The following GFOD1 variants were observed in gnomAD, a reference collection of about 807,000 sequenced individuals.
GFOD1 encodes the protein Gfo/Idh/MocA-like oxidoreductase domain containing 1.
Under a neutral mutation model 25.4 loss-of-function variants are expected in GFOD1, and 9 were observed. The ratio of observed to expected loss-of-function variants is 0.35; its 90% confidence interval spans 0.21 to 0.62. The LOEUF (loss-of-function observed/expected upper bound fraction) is 0.62. Ranked by LOEUF, GFOD1 falls within the 20% of genes least tolerant of loss-of-function variation. The pLI is 0.72. For missense variants in GFOD1, 403 were observed against 556.9 expected, an observed-to-expected ratio of 0.72 and a Z score of 2.78; for synonymous variants, 253 against 245.6, an observed-to-expected ratio of 1.03 and a Z score of -0.28.
intron 1 of GFOD1, among the ~76,000 whole-genome samples, chr6:13,380,495 T>A (rs1785342431): frequency 6.6e-6 from 1 of 152,124 alleles, no homozygotes; most frequent in African/African-American, 2.4e-5. Context: ...AATATCATGA[T>A]GGGGTGCTGG....
At position 13,487,080 on chromosome 6, in the gene GFOD1, C is replaced by T; in HGVS notation, c.-190G>A. 1.6e-6 allele frequency: 1 copy of T among 633,484 alleles called. No individual in the cohort carries two copies. Among genetic ancestry groups the T allele is most frequent in the Non-Finnish European group, 2.7e-6 (1 of 375,904 alleles). 39.2% of individuals were successfully genotyped at this position (633,484 alleles called of 1,614,324 possible). ...AGCTGCAGGCGGAGCAAGCTCGGGG[C>T]GCCTCAGAACGGTGACTGCGGCAGT... On this transcript the variant is annotated 5_prime_UTR_variant, in exon 1 of 2. Coordinates refer to ENST00000379287, the MANE Select transcript of GFOD1 (RefSeq NM_018988.4). The surrounding 1 kb of genome is among the most constrained non-coding windows in gnomAD (Gnocchi z 4.9).
chr6:13,464,775 A>G (rs1758350743), intron 1 of GFOD1, among the ~76,000 whole-genome samples: 1 of 152,108 alleles, frequency 6.6e-6, no homozygotes, highest in African/African-American at 2.4e-5. Flanking sequence ...TTGGACTTGA[A>G]CTGCAACATT....
chr6:13,383,022 G>A (rs1181825970), intron 1 of GFOD1, among the ~76,000 whole-genome samples: 1 of 152,192 alleles, frequency 6.6e-6, no homozygotes. Context: ...TGGCTACATA[G>A]TATTCGAAGG....
intron 1 of GFOD1, among the ~76,000 whole-genome samples, chr6:13,383,233 G>T (rs563469570): frequency 1.2e-4 from 18 of 152,314 alleles, no homozygotes; most frequent in Admixed American, 9.8e-4. Context: ...CACCCAGGTT[G>T]CCATCAAATC....
Position 13,426,851 on chromosome 6 carries a change from T to C in GFOD1, c.253+59787A>G, listed in dbSNP as rs755939407. 3.9e-5 allele frequency among the ~76,000 whole-genome samples: 6 copies of C among 152,166 alleles called. No individual in the cohort carries two copies. The South Asian group carries it at 1.2e-3, about 31-fold the overall frequency. On this transcript the variant is annotated intron_variant, in intron 1 of 1. Coordinates refer to ENST00000379287, the MANE Select transcript of GFOD1 (RefSeq NM_018988.4). ...CTCTTGTTCTGGCAACGGCTGTCAGTGTCTGTTGGTGGAAGAACATGCCCC... is the reference window on the plus strand; with the variant it reads ...CTCTTGTTCTGGCAACGGCTGTCAGCGTCTGTTGGTGGAAGAACATGCCCC...
intron 1 of GFOD1, among the ~76,000 whole-genome samples, chr6:13,477,104 C>T (rs1427583455): frequency 2.0e-5 from 3 of 152,166 alleles, no homozygotes; most frequent in Non-Finnish European, 4.4e-5. Flanking sequence ...AGCAGTTTCT[C>T]CACCGACGCG....
Position 13,363,586 on chromosome 6 carries a change from T to TAA in GFOD1, c.*1155_*1156dup. The TAA allele has an allele frequency of 1.4e-5, 1 of 69,992 alleles. No individual in the cohort carries two copies. Among genetic ancestry groups the TAA allele is most frequent in the Non-Finnish European group, 2.9e-5 (1 of 34,892 alleles). The allele number at this position is 69,992 out of a possible 1,614,324, so 4.3% of individuals were successfully genotyped here. ...TTTTTTTTTTTTTTTTTTTTTTTTG[T>TAA]AAGGAAAGAGGATTCTGATTGGAAC... On this transcript the variant is annotated 3_prime_UTR_variant, in exon 2 of 2. Coordinates refer to ENST00000379287, the MANE Select transcript of GFOD1 (RefSeq NM_018988.4).
At chr6:13,427,368 G>A (rs186112570) in intron 1 of GFOD1, among the ~76,000 whole-genome samples, 2 of 152,260 alleles carry the variant, frequency 1.3e-5, no homozygotes, top group Admixed American at 1.3e-4. Flanking sequence ...TGATAAAAAA[G>A]GACTTTGTTG....
rs566138875 is a variant in GFOD1 at position 13,362,652 on chromosome 6, A to T, written c.*2091T>A. 6.6e-6 allele frequency: 1 copy of T among 152,306 alleles called. No homozygotes were observed. The highest frequency in any genetic ancestry group is 2.4e-5 in the African/African-American group (1 of 41,550). The allele number at this position is 152,306 out of a possible 1,614,324, so 9.4% of individuals were successfully genotyped here. On this transcript the variant is annotated 3_prime_UTR_variant, in exon 2 of 2. Coordinates refer to ENST00000379287, the MANE Select transcript of GFOD1 (RefSeq NM_018988.4). ...AGGGACCACAACAAACCACGCATGG[A>T]ATTTCAGCTTACCCACCCTGCAGTG...
Position 13,435,012 on chromosome 6 carries a change from T to C in GFOD1, c.253+51626A>G, listed in dbSNP as rs115440317. On this transcript the variant is annotated intron_variant, in intron 1 of 1. Coordinates refer to ENST00000379287, the MANE Select transcript of GFOD1 (RefSeq NM_018988.4). The stretch of plus-strand genomic sequence containing the variant: ...CCAGGGCAACCGTAGACCTGCCCCT[T>C]TCTAGAGCTTTCTCTTTCTGAGCAC... 6.4e-3 allele frequency among the ~76,000 whole-genome samples: 979 copies of C among 152,300 alleles called. 10 individuals carry two copies. The highest frequency in any genetic ancestry group is 0.022 in the African/African-American group (935 of 41,560).
chr6:13,482,918 A>C (rs1017583239), intron 1 of GFOD1, among the ~76,000 whole-genome samples: 9 of 150,960 alleles, frequency 6.0e-5, no homozygotes, highest in African/African-American at 2.2e-4. Context: ...ATATACATCT[A>C]TATATTAGTG....
At chr6:13,426,253 C>G (rs1216360815) in intron 1 of GFOD1, among the ~76,000 whole-genome samples, 2 of 152,264 alleles carry the variant, frequency 1.3e-5, no homozygotes, top group African/African-American at 4.8e-5. Context: ...GAAGGCCACA[C>G]ACGCCCCCAG....
At chr6:13,422,358 A>C (rs1387593490) in intron 1 of GFOD1, among the ~76,000 whole-genome samples, 2 of 152,140 alleles carry the variant, frequency 1.3e-5, no homozygotes, top group African/African-American at 4.8e-5. Flanking sequence ...GCGTAGCTGG[A>C]GGGGGCTTGA....
chr6:13,391,580 TC>T lies in GFOD1; in HGVS notation c.254-25919del, dbSNP rs1376047502. 2.0e-5 allele frequency among the ~76,000 whole-genome samples: 3 copies of T among 147,674 alleles called. No individual in the cohort carries two copies. The East Asian group carries it at 6.0e-4, about 29-fold the overall frequency. On this transcript the variant is annotated intron_variant, in intron 1 of 1. Transcript: ENST00000379287. ...GAAAATAATGTACTATTTCGTAGAG[TC>T]CATATCAATTGAATAGGTAACAACT...
chr6:13,424,412 A>G (rs1293903592), intron 1 of GFOD1, among the ~76,000 whole-genome samples: 1 of 152,228 alleles, frequency 6.6e-6, no homozygotes, highest in Admixed American at 6.5e-5. Context: ...CTCTTTAAAC[A>G]GAGAAGCCAT....
intron 1 of GFOD1, among the ~76,000 whole-genome samples, chr6:13,468,363 C>A (rs946709489): frequency 6.6e-6 from 1 of 152,114 alleles, no homozygotes; most frequent in African/African-American, 2.4e-5. Flanking sequence ...TTATATTTAT[C>A]ATATTTACCT....
intron 1 of GFOD1, among the ~76,000 whole-genome samples, chr6:13,463,783 A>C (rs911429731): frequency 6.6e-6 from 1 of 152,236 alleles, no homozygotes; most frequent in Non-Finnish European, 1.5e-5. Flanking sequence ...ACACTGATAC[A>C]GTATATATAT....
rs1663845090 is a variant in GFOD1 at position 13,359,876 on chromosome 6, G to GGC, written c.*4865_*4866dup. The GGC allele has an allele frequency of 6.6e-6, 1 of 151,936 alleles. No individual in the cohort carries two copies. Among genetic ancestry groups the GGC allele is most frequent in the Non-Finnish European group, 1.5e-5 (1 of 68,170 alleles). 9.4% of individuals were successfully genotyped at this position (151,936 alleles called of 1,614,324 possible). ...GCAGGAGAATCGCTTGAACCCGGGA[G>GGC]GCGGTGTTGCAGTGAGCTGAGATCA... On this transcript the variant is annotated 3_prime_UTR_variant, in exon 2 of 2. Transcript: ENST00000379287.
At chr6:13,375,454 A>G (rs929645324) in intron 1 of GFOD1, among the ~76,000 whole-genome samples, 1 of 152,180 alleles carries the variant, frequency 6.6e-6, no homozygotes, top group Non-Finnish European at 1.5e-5. Context: ...CTGCTGGGTG[A>G]CATCTAAAGT....
Sources: gnomAD v4.1 joint callset for allele counts (sites outside exome capture counted in the v4.1 genomes callset) on GRCh38, gnomAD v4.1.1 for gene constraint, Gnocchi (gnomAD v3.1) non-coding constraint, MANE v1.5 for transcripts, NCBI Gene and HGNC (gene_info 2026-07-23, HGNC 2026-07-21) for gene names.